The following CAMTA1 variants were observed in gnomAD, a reference collection of about 807,000 sequenced individuals.
CAMTA1 encodes calmodulin-binding transcription activator 1.
In CAMTA1, 27 loss-of-function variants were observed where a neutral mutation model predicts 170.9. The observed-to-expected ratio is 0.16, with a 90% CI of 0.12 to 0.22. The LOEUF (loss-of-function observed/expected upper bound fraction) is 0.22. Ranked by LOEUF, CAMTA1 falls within the 10% of genes least tolerant of loss-of-function variation. The pLI is 1.00. For missense variants in CAMTA1, 1,619 were observed against 2,217.2 expected (o/e 0.73, Z 5.42); for synonymous variants, 833 against 891.5 (o/e 0.93, Z 1.17).
At chr1:6,958,389 C>A (rs1401767100) in intron 3 of CAMTA1, among the ~76,000 whole-genome samples, 2 of 152,210 alleles carry the variant, frequency 1.3e-5, no homozygotes, top group Non-Finnish European at 2.9e-5. Flanking sequence ...GCCCCGGACC[C>A]CCTGGCCACC....
intron 6 of CAMTA1, among the ~76,000 whole-genome samples, chr1:7,574,846 T>A (rs1161160640): frequency 6.6e-6 from 1 of 152,196 alleles, no homozygotes; most frequent in East Asian, 1.9e-4. Context: ...AGTTTCATTT[T>A]GCAGGCCCCA....
intron 5 of CAMTA1, among the ~76,000 whole-genome samples, chr1:7,399,498 G>A (rs774987724): frequency 6.6e-6 from 1 of 152,136 alleles, no homozygotes; most frequent in Non-Finnish European, 1.5e-5. Context: ...CATACTAGAG[G>A]TTTGAAAAAG....
intron 5 of CAMTA1, among the ~76,000 whole-genome samples, chr1:7,412,277 A>C: frequency 6.6e-6 from 1 of 151,992 alleles, no homozygotes; most frequent in African/African-American, 2.4e-5. Flanking sequence ...TATACCCAGT[A>C]ATGGGATGGC....
At chr1:7,310,939 C>T (rs1375218275) in intron 5 of CAMTA1, among the ~76,000 whole-genome samples, 10 of 151,972 alleles carry the variant, frequency 6.6e-5, no homozygotes, top group Non-Finnish European at 1.0e-4. Context: ...CCATGTTGGC[C>T]AGGCTGATCT....
chr1:7,707,086 A>G (rs919818715), intron 11 of CAMTA1, among the ~76,000 whole-genome samples: 9 of 151,674 alleles, frequency 5.9e-5, no homozygotes, highest in African/African-American at 1.7e-4. Context: ...GGGTTTCACT[A>G]TGTTGGCCAG....
At chr1:7,508,934 C>G (rs1009178260) in intron 6 of CAMTA1, among the ~76,000 whole-genome samples, 2 of 152,162 alleles carry the variant, frequency 1.3e-5, no homozygotes, top group Non-Finnish European at 2.9e-5. Flanking sequence ...AAGGCCCCTT[C>G]CCATACAGGG....
At chr1:7,043,881 G>A (rs1316627436) in intron 3 of CAMTA1, among the ~76,000 whole-genome samples, 1 of 152,194 alleles carries the variant, frequency 6.6e-6, no homozygotes, top group Admixed American at 6.5e-5. Context: ...CGAGTTGCCG[G>A]AACACAGAGA....
At chr1:7,091,479 C>T in intron 4 of CAMTA1, 108 bp downstream of exon 4, 1 of 833,156 alleles carries the variant, frequency 1.2e-6, no homozygotes, top group South Asian at 1.4e-5. Context: ...TTGAAAATGC[C>T]ATGTTGTGCT....
intron 5 of CAMTA1, among the ~76,000 whole-genome samples, chr1:7,361,153 T>C (rs2085509472): frequency 6.6e-6 from 1 of 152,220 alleles, no homozygotes; most frequent in Admixed American, 6.5e-5. Flanking sequence ...AGTGGCGCCA[T>C]ATTCATTTGG....
intron 4 of CAMTA1, among the ~76,000 whole-genome samples, chr1:7,134,782 A>G (rs1173365390): frequency 6.6e-6 from 1 of 152,214 alleles, no homozygotes; most frequent in Non-Finnish European, 1.5e-5. Context: ...ACTAGCTACC[A>G]ATAATGAGAA....
chr1:7,371,843 G>T (rs1163010902), intron 5 of CAMTA1, among the ~76,000 whole-genome samples: 3 of 152,194 alleles, frequency 2.0e-5, no homozygotes, highest in Non-Finnish European at 4.4e-5. Context: ...CCCCACTCCA[G>T]GGACATTTTT....
intron 4 of CAMTA1, among the ~76,000 whole-genome samples, chr1:7,121,315 G>A (rs1025911979): frequency 6.6e-6 from 1 of 152,232 alleles, no homozygotes; most frequent in Non-Finnish European, 1.5e-5. Flanking sequence ...AGGGCATTCT[G>A]ATGGGTGCTA....
rs1390945218 is a variant in CAMTA1, at chr1:7,641,770, C to T, written c.664+1217C>T. On this transcript the variant is annotated intron_variant, in intron 7 of 22. Transcript: ENST00000303635. This position sits in a 1 kb window ranked among gnomAD's most constrained non-coding sequence, Gnocchi z 4.5. ...GTGGGGAGGTTTGGACCAGGCTTGC[C>T]TCAGTGCTTCTGCCTGGAACCTCGA... Among the ~76,000 whole-genome samples, 1 of 152,152 alleles carries T rather than the reference C, an allele frequency of 6.6e-6. No homozygotes were observed. Among genetic ancestry groups the T allele is most frequent in the Non-Finnish European group, 1.5e-5 (1 of 68,008 alleles).
chr1:7,714,821 C>A (rs1480666835), intron 11 of CAMTA1, among the ~76,000 whole-genome samples: 1 of 152,092 alleles, frequency 6.6e-6, no homozygotes, highest in Non-Finnish European at 1.5e-5. Flanking sequence ...CACGTTTGGC[C>A]CACAGCATCC....
chr1:7,742,019 A>T (rs1242865458), intron 16 of CAMTA1, among the ~76,000 whole-genome samples: 1 of 151,790 alleles, frequency 6.6e-6, no homozygotes, highest in Admixed American at 6.6e-5. Flanking sequence ...AAATGAAATG[A>T]AAGAGAAACA....
chr1:7,600,636 A>C (rs60937175), intron 6 of CAMTA1, among the ~76,000 whole-genome samples: 1 of 151,596 alleles, frequency 6.6e-6, no homozygotes, highest in Non-Finnish European at 1.5e-5. Flanking sequence ...GCGGCCTTCC[A>C]AAGTGTTTGT....
chr1:7,738,384 C>T lies in CAMTA1; in HGVS notation c.4084C>T (p.Leu1362=), dbSNP rs768736860. 2 of 1,614,152 alleles carry T rather than the reference C, an allele frequency of 1.2e-6. No homozygotes were observed. Among genetic ancestry groups the T allele is most frequent in the Non-Finnish European group, 8.5e-7 (1 of 1,180,034 alleles). The change falls in exon 16 of 23, where the codon CTG becomes TTG. Residue 1362 remains leucine, a synonymous_variant. Transcript: ENST00000303635. This position sits in a 1 kb window ranked among gnomAD's most constrained non-coding sequence, Gnocchi z 4.9. ...GCGTCCACGGGAACCAATGAGTGTCCTGATGATGGCTAACAGAGAGGTGGT... is the reference window on the plus strand; with the variant it reads ...GCGTCCACGGGAACCAATGAGTGTCTTGATGATGGCTAACAGAGAGGTGGT... The part of the protein sequence containing the change: ...QVRPREPMSV[L]MMANREVVNT...
rs1244166135 is a variant in CAMTA1, at chr1:7,639,590, T to C, written c.511-810T>C. ...GAGTTCAAGACCAGCCTGGCCAATA[T>C]AGTGAGACCCCATCTCTACAAAAAA... On this transcript the variant is annotated intron_variant, in intron 6 of 22. Transcript: ENST00000303635. 3.9e-5 allele frequency among the ~76,000 whole-genome samples: 6 copies of C among 152,098 alleles called. 1 individual carries two copies. The highest frequency in any genetic ancestry group is 1.4e-4 in the African/African-American group (6 of 41,490).
chr1:7,528,430 T>A (rs1054680207), intron 6 of CAMTA1, among the ~76,000 whole-genome samples: 1 of 151,806 alleles, frequency 6.6e-6, no homozygotes, highest in Non-Finnish European at 1.5e-5. Flanking sequence ...TTTTGGTTTT[T>A]TAAAAAAAAA....
Sources: gnomAD v4.1 joint callset for allele counts (sites outside exome capture counted in the v4.1 genomes callset) on GRCh38, gnomAD v4.1.1 for gene constraint, Gnocchi (gnomAD v3.1) non-coding constraint, MANE v1.5 for transcripts, NCBI Gene and HGNC (gene_info 2026-07-23, HGNC 2026-07-21) for gene names.